ARHGAP6: variants seen among roughly 807,000 people sequenced by gnomAD.
ARHGAP6 encodes the protein rho GTPase-activating protein 6.
ARHGAP6 carries 16 observed loss-of-function variants against 55.7 expected under a neutral mutation model. That is an observed-to-expected ratio of 0.29 (90% CI 0.19 to 0.44). The LOEUF is 0.44. ARHGAP6 is among the 20% of genes least tolerant of loss of function. The pLI is 1.00. For missense variants in ARHGAP6, 698 were observed against 808.9 expected (o/e 0.86, Z 1.66); for synonymous variants, 382 against 360.9 (o/e 1.06, Z -0.66).
At chrX:11,406,387 T>G (rs778777360) in intron 1 of ARHGAP6, among the ~76,000 whole-genome samples, 1 of 111,465 alleles carries the variant, frequency 9.0e-6, no homozygotes, top group Non-Finnish European at 1.9e-5. Context: ...AAGAATGCAC[T>G]TTTAAAGATA....
chrX:11,387,639 G>T (rs7059827), intron 1 of ARHGAP6, among the ~76,000 whole-genome samples: 1 of 111,213 alleles, frequency 9.0e-6, no homozygotes, highest in Non-Finnish European at 1.9e-5. Context: ...TGCCATGTTG[G>T]TGTGCTGCCC....
intron 1 of ARHGAP6, among the ~76,000 whole-genome samples, chrX:11,407,946 A>T (rs1195502282): frequency 3.6e-5 from 4 of 111,416 alleles, no homozygotes; most frequent in African/African-American, 1.3e-4. Flanking sequence ...GGAATTTATG[A>T]GTAGCTTTTT....
chrX:11,354,139 A>C lies in ARHGAP6; in HGVS notation c.589-99432T>G, dbSNP rs748385814. Among the ~76,000 whole-genome samples, 4 of 108,858 alleles carry C rather than the reference A, an allele frequency of 3.7e-5. No homozygotes were observed. The Admixed American group carries it at 4.0e-4, about 11-fold the overall frequency. The allele number at this position is 108,858 out of a possible 115,157, so 94.5% of individuals were successfully genotyped here. A position where few individuals can be genotyped will look rare whatever the true frequency, so the allele number is the denominator to read the frequency against. On this transcript the variant is annotated intron_variant, in intron 1 of 12. Transcript: ENST00000337414. ...GTGTTTCCATTATCTGCCAAAGAGAACCTACCAGTTGTGAATGTCTAAACT... is the reference window on the plus strand; with the variant it reads ...GTGTTTCCATTATCTGCCAAAGAGACCCTACCAGTTGTGAATGTCTAAACT...
Position 11,590,869 on chromosome X carries a change from GGAAAGAAAGAAAGAAAGAAA to G in ARHGAP6, c.588+73352_588+73371del, listed in dbSNP as rs746597625. Among the ~76,000 whole-genome samples, 6 of 24,221 alleles carry G rather than the reference GGAAAGAAAGAAAGAAAGAAA, an allele frequency of 2.5e-4. 1 individual carries two copies. The highest frequency in any genetic ancestry group is 4.0e-4 in the Non-Finnish European group (6 of 14,915). 21.0% of individuals were successfully genotyped at this position (24,221 alleles called of 115,157 possible). The stretch of plus-strand genomic sequence containing the variant: ...AAGAAAAGAAAAGAAAAGAAAAGAA[GGAAAGAAAGAAAGAAAGAAA>G]GAAAGAAAGAAAGAAAGAAAGAAAG... On this transcript the variant is annotated intron_variant, in intron 1 of 12. Coordinates refer to ENST00000337414, the MANE Select transcript of ARHGAP6 (RefSeq NM_013427.3).
intron 1 of ARHGAP6, among the ~76,000 whole-genome samples, chrX:11,551,994 G>A (rs1300200197): frequency 9.0e-6 from 1 of 111,478 alleles, no homozygotes; most frequent in African/African-American, 3.3e-5. Flanking sequence ...CAAATACAAT[G>A]AGCTGTACGA....
At chrX:11,571,079 T>A (rs1425787763) in intron 1 of ARHGAP6, among the ~76,000 whole-genome samples, 1 of 111,865 alleles carries the variant, frequency 8.9e-6, no homozygotes, top group Non-Finnish European at 1.9e-5. Flanking sequence ...ATGACACTGC[T>A]AGGGTCTTGA....
At chrX:11,651,575 A>G (rs780209164) in intron 1 of ARHGAP6, among the ~76,000 whole-genome samples, 15 of 111,900 alleles carry the variant, frequency 1.3e-4, no homozygotes, top group Non-Finnish European at 2.6e-4. Context: ...TGTCTTTGCT[A>G]TTGTGAATGG....
intron 2 of ARHGAP6, among the ~76,000 whole-genome samples, chrX:11,230,524 T>G (rs1176876562): frequency 9.0e-6 from 1 of 111,077 alleles, no homozygotes; most frequent in Non-Finnish European, 1.9e-5. Flanking sequence ...CACCCCTTAG[T>G]ACCTCAAATG....
intron 1 of ARHGAP6, among the ~76,000 whole-genome samples, chrX:11,255,104 C>T (rs990428166): frequency 9.0e-6 from 1 of 111,708 alleles, no homozygotes; most frequent in African/African-American, 3.3e-5. Context: ...GGAGAGCCTA[C>T]CATGTGCCAG....
chrX:11,500,663 C>CA (rs995574477), intron 1 of ARHGAP6, among the ~76,000 whole-genome samples: 2,247 of 33,244 alleles, frequency 0.068, 64 homozygotes, highest in African/African-American at 0.12. Flanking sequence ...CAGACTCTGT[C>CA]AAAAAAAAAA....
chrX:11,187,077 T>G (rs1271884429), intron 4 of ARHGAP6, among the ~76,000 whole-genome samples: 1 of 111,276 alleles, frequency 9.0e-6, no homozygotes, highest in Non-Finnish European at 1.9e-5. Flanking sequence ...CTTAGAGCTA[T>G]CCCTATCAAG....
At chrX:11,180,945 A>G (rs1204050675) in intron 6 of ARHGAP6, among the ~76,000 whole-genome samples, 5 of 112,700 alleles carry the variant, frequency 4.4e-5, no homozygotes, top group Non-Finnish European at 9.4e-5. Flanking sequence ...CTATGAAGTT[A>G]ATGGTGACTG....
chrX:11,336,624 A>C (rs1209671986), intron 1 of ARHGAP6, among the ~76,000 whole-genome samples: 1 of 112,072 alleles, frequency 8.9e-6, no homozygotes, highest in Non-Finnish European at 1.9e-5. Context: ...CAATGTCCAC[A>C]TCTCTGTAGT....
Position 11,508,964 on chromosome X carries a change from T to C in ARHGAP6, c.588+155277A>G, listed in dbSNP as rs766305706. Reference sequence around the variant, plus strand: ...CATTTTATCATTTAGGTTTCTTTATTTACCATCCCTCACCAACATAGTGAT... The same window carrying C: ...CATTTTATCATTTAGGTTTCTTTATCTACCATCCCTCACCAACATAGTGAT... On this transcript the variant is annotated intron_variant, in intron 1 of 12. Transcript: ENST00000337414. 4.5e-5 allele frequency among the ~76,000 whole-genome samples: 5 copies of C among 110,918 alleles called. No homozygotes were observed. The Admixed American group carries it at 4.8e-4, about 11-fold the overall frequency.
At chrX:11,461,862 T>C (rs1178239391) in intron 1 of ARHGAP6, among the ~76,000 whole-genome samples, 2 of 111,392 alleles carry the variant, frequency 1.8e-5, no homozygotes, top group African/African-American at 6.5e-5. Flanking sequence ...AACAGGGGCC[T>C]CTCTCAAGAA....
intron 2 of ARHGAP6, among the ~76,000 whole-genome samples, chrX:11,231,313 T>G (rs1192580900): frequency 1.8e-5 from 2 of 112,159 alleles, no homozygotes; most frequent in Non-Finnish European, 3.8e-5. Context: ...CTCCTAATAT[T>G]GTCTCACTCA....
intron 2 of ARHGAP6, among the ~76,000 whole-genome samples, chrX:11,235,294 G>A (rs1432820354): frequency 8.8e-6 from 1 of 113,103 alleles, no homozygotes; most frequent in Non-Finnish European, 1.9e-5. Flanking sequence ...GCTATACCTT[G>A]GCCCCTTGTA....
chrX:11,210,926 T>C (rs1201009448), intron 2 of ARHGAP6, among the ~76,000 whole-genome samples: 2 of 112,282 alleles, frequency 1.8e-5, no homozygotes, highest in Non-Finnish European at 3.8e-5. Context: ...TTTCTATCAA[T>C]AGAACTATTA....
chrX:11,305,473 T>C (rs1407364740), intron 1 of ARHGAP6, among the ~76,000 whole-genome samples: 1 of 112,556 alleles, frequency 8.9e-6, no homozygotes, highest in East Asian at 2.8e-4. Context: ...TATTTGTTTC[T>C]TGGGAGGTTA....
Sources: allele counts gnomAD v4.1 joint callset (sites outside exome capture counted in the v4.1 genomes callset), GRCh38; gene constraint gnomAD v4.1.1; transcripts MANE v1.5; gene names NCBI Gene and HGNC (gene_info 2026-07-23, HGNC 2026-07-21).